The following RAB10 variants were observed in gnomAD, a reference collection of about 807,000 sequenced individuals.
RAB10 encodes ras-related protein Rab-10.
Under a neutral mutation model 25.7 loss-of-function variants are expected in RAB10, and 5 were observed. That is an observed-to-expected ratio of 0.19 (90% CI 0.10 to 0.41). RAB10 has a LOEUF of 0.41. Ranked by LOEUF, RAB10 falls within the 10% of genes least tolerant of loss-of-function variation. The pLI is 1.00. For synonymous variants in RAB10, 89 were observed against 86.4 expected (o/e 1.03, Z -0.16); for missense variants, 103 against 245.8 (o/e 0.42, Z 3.89).
At chr2:26,045,421 A>G (rs1292479461) in intron 1 of RAB10, among the ~76,000 whole-genome samples, 1 of 151,980 alleles carries the variant, frequency 6.6e-6, no homozygotes, top group African/African-American at 2.4e-5. Flanking sequence ...TTGTATTTTT[A>G]GTAGAGGCGG....
At chr2:26,128,558 T>G (rs1467801060) in intron 5 of RAB10, among the ~76,000 whole-genome samples, 1 of 152,230 alleles carries the variant, frequency 6.6e-6, no homozygotes, top group South Asian at 2.1e-4. Flanking sequence ...TTTTTACTCT[T>G]GGACTCATTT....
chr2:26,072,684 C>T (rs1666653059), intron 1 of RAB10, among the ~76,000 whole-genome samples: 1 of 152,122 alleles, frequency 6.6e-6, no homozygotes, highest in Non-Finnish European at 1.5e-5. Context: ...TCATATACTT[C>T]ATATTCTTTG....
Position 26,098,109 on chromosome 2 carries a change from CTTTTTTTTTTTT to C in RAB10, c.128-536_128-525del, listed in dbSNP as rs57174956. On this transcript the variant is annotated intron_variant, in intron 1 of 5. Transcript: ENST00000264710. ...CTTCTTTTTCTTTCTTTCTTTCTTT[CTTTTTTTTTTTT>C]TTTTTTTTTTTTTTTTGAGACATGG... Among the ~76,000 whole-genome samples the C allele has an allele frequency of 1.2e-3, 63 of 52,734 alleles. 2 individuals carry two copies. In the East Asian group the frequency reaches 0.031, roughly 26 times the overall value. 34.6% of individuals were successfully genotyped at this position (52,734 alleles called of 152,430 possible).
intron 1 of RAB10, among the ~76,000 whole-genome samples, chr2:26,093,100 C>T (rs981587452): frequency 6.6e-6 from 1 of 152,160 alleles, no homozygotes; most frequent in African/African-American, 2.4e-5. Context: ...TAAACCATTT[C>T]TTGGTGAGAG....
intron 1 of RAB10, among the ~76,000 whole-genome samples, chr2:26,041,564 AAAG>A (rs1361869281): frequency 1.5e-4 from 22 of 149,840 alleles, no homozygotes; most frequent in African/African-American, 4.7e-4. Context: ...AAAAAAAAAA[AAAG>A]AATGTTAGCT....
chr2:26,088,958 A>G (rs186804905), intron 1 of RAB10, among the ~76,000 whole-genome samples: 1 of 151,738 alleles, frequency 6.6e-6, no homozygotes, highest in Non-Finnish European at 1.5e-5. Context: ...GCATGTGGGT[A>G]TATAGGGTGG....
intron 3 of RAB10, among the ~76,000 whole-genome samples, chr2:26,117,641 A>C (rs954241166): frequency 4.7e-4 from 72 of 151,954 alleles, no homozygotes; most frequent in African/African-American, 1.7e-3. Context: ...AAAAACAAAA[A>C]AAACAAAAGA....
intron 2 of RAB10, among the ~76,000 whole-genome samples, chr2:26,102,298 A>G (rs1344487145): frequency 6.6e-6 from 1 of 152,162 alleles, no homozygotes; most frequent in Non-Finnish European, 1.5e-5. Context: ...TGTGCCTGGA[A>G]TAATGTCTAG....
intron 1 of RAB10, among the ~76,000 whole-genome samples, chr2:26,051,609 C>G (rs2149264203): frequency 6.7e-6 from 1 of 150,040 alleles, no homozygotes; most frequent in South Asian, 2.1e-4. Flanking sequence ...AAAAAAAAAG[C>G]CGGACGTGGT....
intron 1 of RAB10, among the ~76,000 whole-genome samples, chr2:26,079,345 A>ACACACACACACT (rs1666814732): frequency 1.3e-5 from 2 of 150,436 alleles, no homozygotes; most frequent in Non-Finnish European, 1.5e-5. Context: ...ACACACACAC[A>ACACACACACACT]CACACACACT....
chr2:26,126,314 ATGCC>A (rs928670388), intron 3 of RAB10, among the ~76,000 whole-genome samples: 5 of 152,282 alleles, frequency 3.3e-5, no homozygotes, highest in Non-Finnish European at 7.4e-5. Flanking sequence ...TCAGTGGCTC[ATGCC>A]TGTAATCCTA....
chr2:26,135,074 T>C lies in RAB10; in HGVS notation c.*53T>C. 6.9e-7 allele frequency: 1 copy of C among 1,453,934 alleles called. No individual in the cohort carries two copies. The highest frequency in any genetic ancestry group is 2.3e-5 in the East Asian group (1 of 43,316). 90.1% of individuals were successfully genotyped at this position (1,453,934 alleles called of 1,614,324 possible). The stretch of plus-strand genomic sequence containing the variant: ...CCACTACCCCGTTTTCTCTTCTTGC[T>C]GCAAAATAAACCACTCTGTCCATTT... On this transcript the variant is annotated 3_prime_UTR_variant, in exon 6 of 6. Coordinates refer to ENST00000264710, the MANE Select transcript of RAB10 (RefSeq NM_016131.5).
At chr2:26,098,778 C>T in intron 2 of RAB10, 56 bp downstream of exon 2, 3 of 1,388,996 alleles carry the variant, frequency 2.2e-6, no homozygotes, top group Non-Finnish European at 3.0e-6. Flanking sequence ...TAAGGTTTCA[C>T]AGTGAAATTC....
rs182005747 is a variant in RAB10 at position 26,078,549 on chromosome 2, G to C, written c.128-20113G>C. Among the ~76,000 whole-genome samples, 65 of 152,280 alleles carry C rather than the reference G, an allele frequency of 4.3e-4. 1 individual carries two copies. The highest frequency in any genetic ancestry group is 1.5e-5 in the Non-Finnish European group (1 of 68,016). ...AGCTGATTTTTGACAGGTATTTACTGCTCAGTAGGCAGGACTAGGGTGATT... is the reference window on the plus strand; with the variant it reads ...AGCTGATTTTTGACAGGTATTTACTCCTCAGTAGGCAGGACTAGGGTGATT... On this transcript the variant is annotated intron_variant, in intron 1 of 5. Transcript: ENST00000264710.
At chr2:26,106,370 G>A (rs1361183251) in intron 2 of RAB10, among the ~76,000 whole-genome samples, 1 of 152,148 alleles carries the variant, frequency 6.6e-6, no homozygotes, top group Non-Finnish European at 1.5e-5. Context: ...GGACAGTATG[G>A]TAATGGAGGA....
intron 1 of RAB10, among the ~76,000 whole-genome samples, chr2:26,069,956 C>A (rs1666589763): frequency 6.6e-6 from 1 of 152,176 alleles, no homozygotes; most frequent in Non-Finnish European, 1.5e-5. Flanking sequence ...ATCTGCCCTC[C>A]CCGGCTTCCC....
chr2:26,089,412 G>A (rs1223557751), intron 1 of RAB10, among the ~76,000 whole-genome samples: 1 of 115,594 alleles, frequency 8.7e-6, no homozygotes, highest in East Asian at 2.8e-4. Context: ...GATAGAGTGA[G>A]ACTCTGTCTC....
chr2:26,034,483 C>T lies in RAB10; in HGVS notation c.-126C>T. 1.5e-6 allele frequency: 2 copies of T among 1,345,668 alleles called. No homozygotes were observed. Among genetic ancestry groups the T allele is most frequent in the South Asian group, 1.4e-5 (1 of 73,448 alleles). 83.4% of individuals were successfully genotyped at this position (1,345,668 alleles called of 1,614,324 possible). A position where few individuals can be genotyped will look rare whatever the true frequency, so the allele number is the denominator to read the frequency against. Reference sequence around the variant, plus strand: ...GCTGTTCGTAGGTCGCCCGCGCCGTCTCGAGCCTTTTTCCCACGCTTCCCC... The same window carrying T: ...GCTGTTCGTAGGTCGCCCGCGCCGTTTCGAGCCTTTTTCCCACGCTTCCCC... On this transcript the variant is annotated 5_prime_UTR_variant, in exon 1 of 6. Transcript: ENST00000264710.
Position 26,109,899 on chromosome 2 carries a change from T to C in RAB10, c.320T>C (p.Ile107Thr), listed in dbSNP as rs1242606679. The C allele has an allele frequency of 6.2e-7, 1 of 1,604,986 alleles. No individual in the cohort carries two copies. The highest frequency in any genetic ancestry group is 8.5e-7 in the Non-Finnish European group (1 of 1,176,448). Residue 107 changes from isoleucine to threonine, a missense_variant, in exon 3 of 6, where the codon ATA becomes ACA. This residue lies in a region of RAB10 where 79 missense variants were observed against 217.8 expected (regional missense o/e 0.36). Transcript: ENST00000264710. ...FENISKWLRN[I>T]DEHANEDVER... ...AACATCAGCAAATGGCTTAGAAACA[T>C]AGATGAGGTAAGACCTAGAACTTGT... is the stretch of plus-strand genomic sequence containing the variant.
Sources: gnomAD v4.1 joint callset for allele counts (sites outside exome capture counted in the v4.1 genomes callset) on GRCh38, gnomAD v4.1.1 for gene constraint, gnomAD v4.1.1 regional missense constraint, MANE v1.5 for transcripts, NCBI Gene and HGNC (gene_info 2026-07-23, HGNC 2026-07-21) for gene names.